The following PXDN variants were observed in gnomAD, a reference collection of about 807,000 sequenced individuals.
The protein encoded by PXDN is peroxidasin homolog.
PXDN carries 77 observed loss-of-function variants against 140.3 expected under a neutral mutation model. That is an observed-to-expected ratio of 0.55 (90% CI 0.46 to 0.66). PXDN has a LOEUF of 0.66. Among genes scored for constraint, PXDN ranks in the 30% least tolerant of loss-of-function variants. PXDN has a pLI of 0.00. For synonymous variants in PXDN, 911 were observed against 857.4 expected, an observed-to-expected ratio of 1.06 and a Z score of -1.09; for missense variants, 1,838 against 2,039.5, an observed-to-expected ratio of 0.90 and a Z score of 1.90.
chr2:1,679,512 C>CGT (rs761706169), intron 7 of PXDN, among the ~76,000 whole-genome samples: 1 of 111,550 alleles, frequency 9.0e-6, no homozygotes, highest in African/African-American at 3.5e-5. Context: ...TGTGTATGTG[C>CGT]GTGTGTGTGG....
chr2:1,671,182 T>C lies in PXDN; in HGVS notation c.1018+2461A>G, dbSNP rs183326278. On this transcript the variant is annotated intron_variant, in intron 9 of 22. Transcript: ENST00000252804. ...ACTTTAGGCTTTGGCAATTTAAGAA[T>C]GCATTTAAAATTTTCTAGGCTAACC... Among the ~76,000 whole-genome samples the C allele has an allele frequency of 6.5e-3, 986 of 152,204 alleles. 4 individuals are homozygous for C. Among genetic ancestry groups the C allele is most frequent in the Non-Finnish European group, 0.01 (695 of 68,010 alleles).
chr2:1,695,289 GT>G (rs975329391), intron 1 of PXDN, among the ~76,000 whole-genome samples: 6 of 152,178 alleles, frequency 3.9e-5, no homozygotes, highest in African/African-American at 1.2e-4. Context: ...GAGAGGTGCT[GT>G]CCCATCCACA....
chr2:1,641,434 G>A (rs1446677173), intron 19 of PXDN, among the ~76,000 whole-genome samples: 1 of 152,214 alleles, frequency 6.6e-6, no homozygotes, highest in East Asian at 1.9e-4. Flanking sequence ...ACAGGCATGT[G>A]CCACCGCCCA....
Position 1,644,753 on chromosome 2 carries a change from C to A in PXDN, c.3609-1G>T. ...GATGTTGAGTGTCGAGCCATACAAC[C>A]TAAAAAATAAAGAGAAAACTGAAAT... On this transcript the variant is annotated splice_acceptor_variant, in intron 17 of 22. Coordinates refer to ENST00000252804, the MANE Select transcript of PXDN (RefSeq NM_012293.3). LOFTEE classifies it high-confidence loss of function. 1 of 1,510,716 alleles carries A rather than the reference C, an allele frequency of 6.6e-7. No individual in the cohort carries two copies. Among genetic ancestry groups the A allele is most frequent in the Non-Finnish European group, 8.9e-7 (1 of 1,121,224 alleles). The allele number at this position is 1,510,716 out of a possible 1,614,324, so 93.6% of individuals were successfully genotyped here.
At chr2:1,644,398 C>G (rs1682803015) in intron 18 of PXDN, among the ~76,000 whole-genome samples, 1 of 152,136 alleles carries the variant, frequency 6.6e-6, no homozygotes, top group African/African-American at 2.4e-5. Flanking sequence ...CATCATTGAA[C>G]CTGGTGTGGT....
intron 1 of PXDN, among the ~76,000 whole-genome samples, chr2:1,696,083 C>A (rs113119159): frequency 0.035 from 5,315 of 152,290 alleles, 302 homozygotes; most frequent in African/African-American, 0.12. Context: ...CACACTGGAC[C>A]TCAAGGACTT....
At chr2:1,738,688 A>C (rs188609724) in intron 1 of PXDN, among the ~76,000 whole-genome samples, 14 of 152,072 alleles carry the variant, frequency 9.2e-5, no homozygotes, top group Non-Finnish European at 1.9e-4. Context: ...AGCTGTGACC[A>C]CAGGTGTGCA....
chr2:1,679,273 T>G (rs937980567), intron 7 of PXDN, among the ~76,000 whole-genome samples: 1 of 148,364 alleles, frequency 6.7e-6, no homozygotes, highest in African/African-American at 2.5e-5. Context: ...TGTGTGTGGA[T>G]TGTATGTGCA....
At position 1,649,221 on chromosome 2, in the gene PXDN, G is replaced by C; in HGVS notation, c.2559C>G (p.Asn853Lys). Residue 853 changes from asparagine to lysine, a missense_variant, in exon 17 of 23, where the codon AAC becomes AAG. Physicochemically the swap from Asn to Lys is moderately conservative, Grantham distance 94 (BLOSUM62 0). Coordinates refer to ENST00000252804, the MANE Select transcript of PXDN (RefSeq NM_012293.3). The surrounding 1 kb of genome is among the most constrained non-coding windows in gnomAD (Gnocchi z 7.1). ...DGQHCSNVCS[N>K]DPPCFSVMIP... ...TCATGACAGAGAAGCAGGGGGGGTC[G>C]TTGCTGCACACGTTGCTGCAGTGCT... The C allele has an allele frequency of 6.2e-7, 1 of 1,612,738 alleles. No individual in the cohort carries two copies. The highest frequency in any genetic ancestry group is 1.7e-5 in the Admixed American group (1 of 59,944).
intron 1 of PXDN, among the ~76,000 whole-genome samples, chr2:1,698,381 A>G (rs945996249): frequency 4.6e-5 from 7 of 152,220 alleles, no homozygotes; most frequent in African/African-American, 1.4e-4. Flanking sequence ...AGCTCCCAGA[A>G]ATGATAACTG....
At chr2:1,691,856 G>A (rs955131508) in intron 3 of PXDN, 72 bp downstream of exon 3, 26 of 985,050 alleles carry the variant, frequency 2.6e-5, no homozygotes, top group East Asian at 1.4e-4. Flanking sequence ...TAAGCAGCAC[G>A]AAATTTAGCT....
chr2:1,651,773 C>T lies in PXDN; in HGVS notation c.2104+1855G>A, dbSNP rs571707201. ...CCCAGCCAGGGCACCACCCACCTCC[C>T]GCCTGCTGTTTCTCTCTGGGTCACT... On this transcript the variant is annotated intron_variant, in intron 16 of 22. Transcript: ENST00000252804. The surrounding 1 kb of genome is among the most constrained non-coding windows in gnomAD (Gnocchi z 4.4). Among the ~76,000 whole-genome samples, 22 of 152,350 alleles carry T rather than the reference C, an allele frequency of 1.4e-4. No individual in the cohort carries two copies. In the South Asian group the frequency reaches 2.7e-3, roughly 19 times the overall value.
At chr2:1,713,642 G>A (rs551432318) in intron 1 of PXDN, among the ~76,000 whole-genome samples, 1 of 152,350 alleles carries the variant, frequency 6.6e-6, no homozygotes, top group East Asian at 1.9e-4. Context: ...TGGACCCCGG[G>A]TGGGCGGGAG....
At chr2:1,729,619 C>T (rs1390832648) in intron 1 of PXDN, among the ~76,000 whole-genome samples, 1 of 152,060 alleles carries the variant, frequency 6.6e-6, no homozygotes, top group Non-Finnish European at 1.5e-5. Flanking sequence ...GTACACCACT[C>T]GGGTGATGGG....
intron 14 of PXDN, among the ~76,000 whole-genome samples, chr2:1,657,143 C>T (rs1453248275): frequency 6.7e-6 from 1 of 148,620 alleles, no homozygotes; most frequent in Non-Finnish European, 1.5e-5. Context: ...CCCCTCCTGA[C>T]TGGGGGGGGA....
intron 1 of PXDN, among the ~76,000 whole-genome samples, chr2:1,743,272 T>G (rs1290048795): frequency 6.6e-6 from 1 of 151,986 alleles, no homozygotes; most frequent in Non-Finnish European, 1.5e-5. Flanking sequence ...CGGTTAAACG[T>G]ATAGCGCAAC....
At chr2:1,643,331 A>G in intron 19 of PXDN, 37 bp downstream of exon 19, 1 of 1,594,430 alleles carries the variant, frequency 6.3e-7, no homozygotes, top group South Asian at 1.1e-5. Context: ...AAAACCAGGG[A>G]TGAAAAAGGA....
chr2:1,709,701 G>A (rs1179305112), intron 1 of PXDN, among the ~76,000 whole-genome samples: 1 of 152,190 alleles, frequency 6.6e-6, no homozygotes, highest in Non-Finnish European at 1.5e-5. Flanking sequence ...TTATCAGGAG[G>A]GGAGGCTTTG....
At chr2:1,719,129 C>T (rs967081552) in intron 1 of PXDN, among the ~76,000 whole-genome samples, 1 of 152,198 alleles carries the variant, frequency 6.6e-6, no homozygotes, top group Non-Finnish European at 1.5e-5. Context: ...AGCCTGGGGC[C>T]CTGCGGCCAT....
Sources: gnomAD v4.1 joint callset for allele counts (sites outside exome capture counted in the v4.1 genomes callset) on GRCh38, gnomAD v4.1.1 for gene constraint, Gnocchi (gnomAD v3.1) non-coding constraint, MANE v1.5 for transcripts, NCBI Gene and HGNC (gene_info 2026-07-23, HGNC 2026-07-21) for gene names.